The following UBR3 variants were observed in gnomAD, a reference collection of about 807,000 sequenced individuals.
The protein encoded by UBR3 is E3 ubiquitin-protein ligase UBR3.
Under a neutral mutation model 243.2 loss-of-function variants are expected in UBR3, and 85 were observed. That is an observed-to-expected ratio of 0.35 (90% CI 0.29 to 0.42). The LOEUF (loss-of-function observed/expected upper bound fraction) is 0.42, where lower values mean the gene tolerates loss of function less well. Ranked by LOEUF, UBR3 falls within the 10% of genes least tolerant of loss-of-function variation. The probability of loss-of-function intolerance (pLI) is 1.00; values close to 1 mark genes in which losing one functional copy is unlikely to be tolerated. For synonymous variants in UBR3, 748 were observed against 799.8 expected, an observed-to-expected ratio of 0.94 and a Z score of 1.09; for missense variants, 1,686 against 2,300.8, an observed-to-expected ratio of 0.73 and a Z score of 5.47.
chr2:169,972,629 TAATCCA>T (rs1420558690), intron 24 of UBR3, among the ~76,000 whole-genome samples: 1 of 152,232 alleles, frequency 6.6e-6, no homozygotes, highest in Non-Finnish European at 1.5e-5. Context: ...TCAATAAATG[TAATCCA>T]GCGTATAAGC....
intron 11 of UBR3, among the ~76,000 whole-genome samples, chr2:169,916,689 C>A (rs993685478): frequency 2.0e-5 from 3 of 152,120 alleles, no homozygotes; most frequent in Non-Finnish European, 4.4e-5. Context: ...GGCTGGCCCC[C>A]TGTATTGTTG....
Position 169,949,727 on chromosome 2 carries a change from G to A in UBR3, c.3207G>A (p.Trp1069Ter). ...QVVRPKTSSK[W>*]SAPGSAPQLT... ...TTCGTCCCAAAACTTCAAGTAAATG[G>A]TCTGCTCCTGGTTCAGCTCCACAGT... The change falls in exon 23 of 39, where the codon TGG (tryptophan) becomes TGA (stop). Residue 1069 changes from tryptophan to a stop codon, truncating the protein, a stop_gained. Transcript: ENST00000272793. LOFTEE classifies it high-confidence loss of function. The A allele has an allele frequency of 6.4e-7, 1 of 1,551,622 alleles. No individual in the cohort carries two copies. Among genetic ancestry groups the A allele is most frequent in the Non-Finnish European group, 8.7e-7 (1 of 1,146,772 alleles).
At chr2:169,988,421 A>T (rs772850981) in intron 25 of UBR3, among the ~76,000 whole-genome samples, 15 of 152,186 alleles carry the variant, frequency 9.9e-5, no homozygotes, top group African/African-American at 3.6e-4. Flanking sequence ...TCTTTTAAAC[A>T]ATTGTATATG....
intron 23 of UBR3, among the ~76,000 whole-genome samples, chr2:169,956,878 C>T (rs2087325094): frequency 6.6e-6 from 1 of 152,114 alleles, no homozygotes. Flanking sequence ...CATAGACTCT[C>T]AGTTTAACAT....
chr2:169,934,521 C>T (rs73015768), intron 19 of UBR3, among the ~76,000 whole-genome samples: 1 of 152,186 alleles, frequency 6.6e-6, no homozygotes. Flanking sequence ...CACACATGAG[C>T]CACCGTGCCT....
intron 33 of UBR3, among the ~76,000 whole-genome samples, chr2:170,055,856 T>A (rs978781414): frequency 1.1e-4 from 16 of 152,154 alleles, no homozygotes; most frequent in African/African-American, 3.9e-4. Flanking sequence ...TTATAAAAAT[T>A]GTGCTAACAC....
At chr2:170,051,493 C>T (rs1232531632) in intron 32 of UBR3, among the ~76,000 whole-genome samples, 3 of 152,008 alleles carry the variant, frequency 2.0e-5, no homozygotes, top group African/African-American at 4.8e-5. Context: ...TACAGGCACC[C>T]GCCACCACGC....
At chr2:170,067,181 C>T (rs746528097) in intron 35 of UBR3, among the ~76,000 whole-genome samples, 16 of 152,016 alleles carry the variant, frequency 1.1e-4, no homozygotes, top group Non-Finnish European at 2.2e-4. Flanking sequence ...TGTTCCTTGC[C>T]ACACAAAACA....
chr2:169,956,965 T>C (rs773629279), intron 23 of UBR3, among the ~76,000 whole-genome samples: 11 of 152,250 alleles, frequency 7.2e-5, no homozygotes, highest in Admixed American at 6.5e-5. Flanking sequence ...CTGTCCATTA[T>C]GTTCTCATGT....
At position 169,827,717 on chromosome 2, in the gene UBR3, CGGCGAGGACGCGGCGGCGGCCGGA is replaced by C. The variant is rs767867385; in HGVS notation, c.215_238del (p.Glu72_Gly79del). On this transcript the variant is annotated inframe_deletion, in exon 1 of 39. Transcript: ENST00000272793. ...AGCGGCCGCTGGCCGCGGCTGCCGG[CGGCGAGGACGCGGCGGCGGCCGGA>C]GGCGGGGGCGGTCCGGGGGCGGCCG... 20 of 1,227,902 alleles carry C rather than the reference CGGCGAGGACGCGGCGGCGGCCGGA, an allele frequency of 1.6e-5. No homozygotes were observed. In the South Asian group the frequency reaches 4.5e-4, roughly 28 times the overall value. The allele number at this position is 1,227,902 out of a possible 1,614,324, so 76.1% of individuals were successfully genotyped here.
chr2:169,972,654 AG>A (rs1438774527), intron 24 of UBR3, among the ~76,000 whole-genome samples: 2 of 152,216 alleles, frequency 1.3e-5, no homozygotes, highest in African/African-American at 2.4e-5. Context: ...GCAGAGCCAA[AG>A]ACAAAAACCA....
intron 23 of UBR3, among the ~76,000 whole-genome samples, chr2:169,950,785 T>C (rs1006353781): frequency 1.3e-4 from 19 of 151,508 alleles, no homozygotes; most frequent in African/African-American, 4.6e-4. Context: ...AAGAGCCTTG[T>C]CAACATTGCT....
rs578054467 is a variant in UBR3, at chr2:169,866,150, CAAAAAAAAAAAAAA to C, written c.546-6069_546-6056del. Among the ~76,000 whole-genome samples, 38 of 53,382 alleles carry C rather than the reference CAAAAAAAAAAAAAA, an allele frequency of 7.1e-4. No homozygotes were observed. In the South Asian group the frequency reaches 0.02, roughly 28 times the overall value. The allele number at this position is 53,382 out of a possible 152,430, so 35.0% of individuals were successfully genotyped here. ...TGGGCAACAGAGCGAGACTGTGTCT[CAAAAAAAAAAAAAA>C]AAAAAAAAAAAAAAAAGCTTTTATG... On this transcript the variant is annotated intron_variant, in intron 1 of 38. Transcript: ENST00000272793.
chr2:169,846,441 C>T (rs1199502765), intron 1 of UBR3, among the ~76,000 whole-genome samples: 2 of 152,016 alleles, frequency 1.3e-5, no homozygotes, highest in Non-Finnish European at 2.9e-5. Context: ...GCTGGGTGCG[C>T]TGGCTCACGC....
At chr2:170,065,537 C>T (rs775194653) in intron 35 of UBR3, among the ~76,000 whole-genome samples, 2 of 152,156 alleles carry the variant, frequency 1.3e-5, no homozygotes, top group Non-Finnish European at 2.9e-5. Flanking sequence ...AAGTGATCCA[C>T]CCCCCTCAGC....
intron 30 of UBR3, among the ~76,000 whole-genome samples, chr2:170,024,695 A>G (rs1260760873): frequency 6.6e-6 from 1 of 152,118 alleles, no homozygotes; most frequent in Non-Finnish European, 1.5e-5. Flanking sequence ...TTTTGGTTCT[A>G]GCTAGGAGTA....
chr2:169,896,145 G>A (rs564416201), intron 7 of UBR3, among the ~76,000 whole-genome samples: 2 of 152,236 alleles, frequency 1.3e-5, no homozygotes, highest in African/African-American at 4.8e-5. Context: ...AAAATTAGTT[G>A]GGCGTGATGG....
intron 31 of UBR3, among the ~76,000 whole-genome samples, chr2:170,031,641 G>A (rs1033083853): frequency 2.0e-5 from 3 of 152,048 alleles, no homozygotes; most frequent in African/African-American, 7.2e-5. Context: ...GGTGTAGTGA[G>A]CATAGTACCC....
At chr2:169,962,851 C>T (rs1052771980) in intron 24 of UBR3, among the ~76,000 whole-genome samples, 3 of 151,892 alleles carry the variant, frequency 2.0e-5, no homozygotes, top group African/African-American at 7.3e-5. Context: ...CCTGATGATT[C>T]TTGATTGTCC....
Sources: allele counts gnomAD v4.1 joint callset (sites outside exome capture counted in the v4.1 genomes callset), GRCh38; gene constraint gnomAD v4.1.1; transcripts MANE v1.5; gene names NCBI Gene and HGNC (gene_info 2026-07-23, HGNC 2026-07-21).